Variants in TUSC3 observed in about 807,000 individuals in gnomAD.
TUSC3 encodes the protein tumor suppressor candidate 3, also known as dolichyl-diphosphooligosaccharide--protein glycosyltransferase subunit TUSC3.
Under a neutral mutation model 44.8 loss-of-function variants are expected in TUSC3, and 45 were observed. That is an observed-to-expected ratio of 1.00 (90% CI 0.79 to 1.29). The LOEUF (loss-of-function observed/expected upper bound fraction) is 1.29. TUSC3 is among the 50% of genes most tolerant of loss of function. The pLI, the probability that TUSC3 is intolerant of heterozygous loss-of-function variation, is 0.00. For synonymous variants in TUSC3, 212 were observed against 152.9 expected, an observed-to-expected ratio of 1.39 and a Z score of -2.85; for missense variants, 519 against 437.9, an observed-to-expected ratio of 1.19 and a Z score of -1.65.
intron 1 of TUSC3, among the ~76,000 whole-genome samples, chr8:15,452,296 G>T (rs189023669): frequency 1.5e-4 from 23 of 152,206 alleles, no homozygotes; most frequent in Admixed American, 1.2e-3. Flanking sequence ...AATGTGTTGA[G>T]TTCTAGGTAT....
intron 6 of TUSC3, among the ~76,000 whole-genome samples, chr8:15,720,778 T>C (rs1752402019): frequency 6.6e-6 from 1 of 152,244 alleles, no homozygotes; most frequent in East Asian, 1.9e-4. Flanking sequence ...TAGCATGATA[T>C]AATGGCACTA....
At chr8:15,749,003 T>C (rs1563204174) in intron 9 of TUSC3, among the ~76,000 whole-genome samples, 1 of 152,178 alleles carries the variant, frequency 6.6e-6, no homozygotes, top group Non-Finnish European at 1.5e-5. Context: ...GCATTATTAT[T>C]ACCAAACTAT....
rs79881319 is a variant in TUSC3 at position 15,496,379 on chromosome 8, C to G, written n.189+12896C>G. Among the ~76,000 whole-genome samples the G allele has an allele frequency of 1.1e-3, 160 of 152,292 alleles. 2 individuals carry two copies. In the East Asian group the frequency reaches 0.024, roughly 23 times the overall value. On this transcript the variant is annotated intron_variant and non_coding_transcript_variant, in intron 2 of 5. Transcript: ENST00000503191. ...CATCCTAACTGTGAATTTGTGCTGT[C>G]TCCTAGGGTCCTTGTCAGAGTGTTC... is the stretch of plus-strand genomic sequence containing the variant.
intron 10 of TUSC3, among the ~76,000 whole-genome samples, chr8:15,760,198 A>G (rs1380262378): frequency 1.3e-5 from 2 of 152,208 alleles, no homozygotes; most frequent in East Asian, 3.8e-4. Flanking sequence ...TGTTCCTTCT[A>G]GAAGATACAG....
intron 6 of TUSC3, among the ~76,000 whole-genome samples, chr8:15,720,822 A>G (rs2604307): frequency 0.56 from 85,349 of 151,924 alleles, 24,186 homozygotes; most frequent in Admixed American, 0.64. Flanking sequence ...TGAGGCAGTG[A>G]CCACAAATAA....
intron 1 of TUSC3, among the ~76,000 whole-genome samples, chr8:15,573,266 C>T (rs980071627): frequency 1.4e-5 from 2 of 143,046 alleles, no homozygotes; most frequent in Admixed American, 1.4e-4. Context: ...CATCAAGTCA[C>T]TCCTGGGAGG....
chr8:15,556,152 C>A (rs187989018), intron 1 of TUSC3, among the ~76,000 whole-genome samples: 2 of 113,248 alleles, frequency 1.8e-5, no homozygotes, highest in Non-Finnish European at 3.5e-5. Context: ...GCTATCCCTC[C>A]CCCCTCCCCC....
chr8:15,716,078 A>G (rs1810045909), intron 6 of TUSC3, among the ~76,000 whole-genome samples: 2 of 152,110 alleles, frequency 1.3e-5, no homozygotes, highest in Non-Finnish European at 1.5e-5. Flanking sequence ...CAACATGGTG[A>G]AACCCCGCCT....
In TUSC3 at chr8:15,695,966, A is replaced by T. The variant is rs180786004; in HGVS notation, c.798+22130A>T. 3.9e-5 allele frequency among the ~76,000 whole-genome samples: 6 copies of T among 152,322 alleles called. No homozygotes were observed. The East Asian group carries it at 1.2e-3, about 29-fold the overall frequency. On this transcript the variant is annotated intron_variant, in intron 6 of 10. Transcript: ENST00000503731. ...TTTTATAAGGGAAGCAGAGCATAAAAGTTCAGAAAATTTGCAGCCTGACAA... is the reference window on the plus strand; with the variant it reads ...TTTTATAAGGGAAGCAGAGCATAAATGTTCAGAAAATTTGCAGCCTGACAA...
the TUSC3 span, among the ~76,000 whole-genome samples, chr8:15,831,442 C>T: frequency 6.6e-6 from 1 of 152,072 alleles, no homozygotes; most frequent in African/African-American, 2.4e-5. Flanking sequence ...AGGTTCTGAA[C>T]TCGGCTGAGA....
chr8:15,736,941 TCAAGAAAATGA>T (rs1810962259), intron 7 of TUSC3, among the ~76,000 whole-genome samples: 1 of 152,116 alleles, frequency 6.6e-6, no homozygotes, highest in African/African-American at 2.4e-5. Context: ...TTAGAAGATC[TCAAGAAAATGA>T]CATGAAATAA....
intron 1 of TUSC3, among the ~76,000 whole-genome samples, chr8:15,468,042 T>C (rs867889226): frequency 6.6e-6 from 1 of 152,180 alleles, no homozygotes; most frequent in African/African-American, 2.4e-5. Context: ...AAATACTGAT[T>C]AGTAATTAAA....
chr8:15,757,147 C>T (rs981504467), intron 9 of TUSC3, among the ~76,000 whole-genome samples: 2 of 152,048 alleles, frequency 1.3e-5, no homozygotes, highest in South Asian at 2.1e-4. Flanking sequence ...TAAAAAAACT[C>T]GTTCTTAAAA....
chr8:15,721,108 G>C (rs1810290058), intron 6 of TUSC3, among the ~76,000 whole-genome samples: 1 of 152,010 alleles, frequency 6.6e-6, no homozygotes, highest in Non-Finnish European at 1.5e-5. Flanking sequence ...GACTTTGCTT[G>C]ATAATAACAT....
At chr8:15,829,997 G>A in the TUSC3 span, among the ~76,000 whole-genome samples, 1 of 152,124 alleles carries the variant, frequency 6.6e-6, no homozygotes, top group Non-Finnish European at 1.5e-5. Flanking sequence ...TCTGGCTGGT[G>A]TGAGATGGTG....
In TUSC3 at chr8:15,540,563, A is replaced by G; in HGVS notation, c.133A>G (p.Lys45Glu). The G allele has an allele frequency of 6.3e-7, 1 of 1,584,978 alleles. No homozygotes were observed. Among genetic ancestry groups the G allele is most frequent in the Non-Finnish European group, 8.6e-7 (1 of 1,166,278 alleles). The change falls in exon 1 of 11, where the codon AAG (lysine) becomes GAG (glutamate). Residue 45 changes from lysine to glutamate, a missense_variant. Lys to Glu is a moderately conservative substitution (Grantham distance 56). Transcript: ENST00000503731. Reference protein sequence around the residue: ...CIQLGGGQKKKENLLAEKVEQ... With the variant: ...CIQLGGGQKKEENLLAEKVEQ... ...CCAGCTCGGGGGAGGACAGAAGAAA[A>G]AGGAGGTAGAATGGATCCCCTTGGC... is the stretch of plus-strand genomic sequence containing the variant.
intron 6 of TUSC3, among the ~76,000 whole-genome samples, chr8:15,675,213 C>G (rs1441674656): frequency 6.6e-6 from 1 of 151,886 alleles, no homozygotes; most frequent in East Asian, 1.9e-4. Flanking sequence ...AAGATCTGAT[C>G]GCTGTCGTGT....
In TUSC3 at chr8:15,715,307, C is replaced by T. The variant is rs141677826; in HGVS notation, c.799-15359C>T. Among the ~76,000 whole-genome samples the T allele has an allele frequency of 4.0e-3, 614 of 152,144 alleles. 9 individuals carry two copies. The highest frequency in any genetic ancestry group is 0.014 in the African/African-American group (600 of 41,518). The stretch of plus-strand genomic sequence containing the variant: ...TAATAGTGAAATAGAACAATTATAA[C>T]AATATTCTGTAATAAATTATGTTAC... On this transcript the variant is annotated intron_variant, in intron 6 of 10. Transcript: ENST00000503731.
At chr8:15,782,745 T>C in the TUSC3 span, among the ~76,000 whole-genome samples, 15 of 152,228 alleles carry the variant, frequency 9.9e-5, no homozygotes, top group South Asian at 3.1e-3. Context: ...CTCAACAAAA[T>C]AAAAGCCATG....
Sources: allele counts gnomAD v4.1 joint callset (sites outside exome capture counted in the v4.1 genomes callset), GRCh38; gene constraint gnomAD v4.1.1; transcripts MANE v1.5; gene names NCBI Gene and HGNC (gene_info 2026-07-23, HGNC 2026-07-21).